The following DR1 variants were observed in gnomAD, a reference collection of about 807,000 sequenced individuals.
DR1 encodes protein Dr1.
A neutral mutation model predicts 19.9 loss-of-function variants in DR1; 7 were observed. That is an observed-to-expected ratio of 0.35 (90% CI 0.20 to 0.66). DR1 has a LOEUF of 0.66. Among genes scored for constraint, DR1 ranks in the 30% least tolerant of loss-of-function variants. The pLI is 0.66. For missense variants in DR1, 98 were observed against 203.7 expected (o/e 0.48, Z 3.16); for synonymous variants, 76 against 72.5 (o/e 1.05, Z -0.24).
At chr1:93,355,276 ATTGT>A (rs912875398) in intron 2 of DR1, 1 of 152,174 alleles carries the variant, frequency 6.6e-6, no homozygotes, top group African/African-American at 2.4e-5. Flanking sequence ...CTTCCTTGAA[ATTGT>A]TTGTCATTTG....
intron 1 of DR1, among the ~76,000 whole-genome samples, chr1:93,349,548 T>G (rs574117192): frequency 6.6e-6 from 1 of 152,256 alleles, no homozygotes; most frequent in Admixed American, 6.5e-5. Context: ...ATACTTGATT[T>G]CAGGTATTAC....
Position 93,366,032 on chromosome 1 carries a change from C to T in DR1, c.*5393C>T, listed in dbSNP as rs1453325421. 1 of 152,206 alleles carries T rather than the reference C, an allele frequency of 6.6e-6. No individual in the cohort carries two copies. 9.4% of individuals were successfully genotyped at this position (152,206 alleles called of 1,614,324 possible). On this transcript the variant is annotated 3_prime_UTR_variant, in exon 3 of 3. Transcript: ENST00000370272. ...TGCAACCACCACCACCATCCGTCTA[C>T]AGAACTCTTCATCTTCCCAAACTGA...
In DR1 at chr1:93,361,600, A is replaced by T. The variant is rs541893111; in HGVS notation, c.*961A>T. 37 of 152,640 alleles carry T rather than the reference A, an allele frequency of 2.4e-4. No individual in the cohort carries two copies. Among genetic ancestry groups the T allele is most frequent in the African/African-American group, 8.9e-4 (37 of 41,564 alleles). 9.5% of individuals were successfully genotyped at this position (152,640 alleles called of 1,614,324 possible). On this transcript the variant is annotated 3_prime_UTR_variant, in exon 3 of 3. Transcript: ENST00000370272. ...GATTTTTAATTTAACTTGTAGTTAT[A>T]GTTTACTTATTGTTTTTAGAATTAC...
rs1666823393 is a variant in DR1, at chr1:93,345,958, G to C, written c.-688G>C. On this transcript the variant is annotated 5_prime_UTR_variant, in exon 1 of 3. Coordinates refer to ENST00000370272, the MANE Select transcript of DR1 (RefSeq NM_001938.3). ...GCAAACCTTCCCTGGCATCTGGAGG[G>C]ACCACCGTTGCCGCGTCTTCGGCTT... The C allele has an allele frequency of 1.3e-5, 2 of 153,750 alleles. No homozygotes were observed. The highest frequency in any genetic ancestry group is 2.4e-5 in the African/African-American group (1 of 41,456). 9.5% of individuals were successfully genotyped at this position (153,750 alleles called of 1,614,324 possible).
intron 1 of DR1, among the ~76,000 whole-genome samples, chr1:93,352,636 G>A (rs1666928311): frequency 6.6e-6 from 1 of 152,288 alleles, no homozygotes; most frequent in East Asian, 1.9e-4. Flanking sequence ...AATCCCTGAA[G>A]TTAGAAGTGA....
At chr1:93,360,261 G>A (rs191054369) in intron 2 of DR1, among the ~76,000 whole-genome samples, 335 of 152,092 alleles carry the variant, frequency 2.2e-3, no homozygotes, top group Non-Finnish European at 4.1e-3. Flanking sequence ...ATTTATAAGA[G>A]ATCCAAGTTT....
rs1667177656 is a variant in DR1 at position 93,367,235 on chromosome 1, T to C, written c.*6596T>C. The C allele has an allele frequency of 6.6e-6, 1 of 151,808 alleles. No homozygotes were observed. Among genetic ancestry groups the C allele is most frequent in the Non-Finnish European group, 1.5e-5 (1 of 68,004 alleles). The allele number at this position is 151,808 out of a possible 1,614,324, so 9.4% of individuals were successfully genotyped here. A position where few individuals can be genotyped will look rare whatever the true frequency, so the allele number is the denominator to read the frequency against. ...GCAGTTGTAGTGCTAGTGGGTTAAA[T>C]CAAGGAATAACTGTTGGGAAGTGAA... On this transcript the variant is annotated 3_prime_UTR_variant, in exon 3 of 3. Coordinates refer to ENST00000370272, the MANE Select transcript of DR1 (RefSeq NM_001938.3).
chr1:93,360,517 G>T lies in DR1; in HGVS notation c.409G>T (p.Ala137Ser). The T allele has an allele frequency of 6.3e-7, 1 of 1,587,946 alleles. No homozygotes were observed. Among genetic ancestry groups the T allele is most frequent in the Non-Finnish European group, 8.5e-7 (1 of 1,172,416 alleles). The change falls in exon 3 of 3, where the codon GCC becomes TCC. Residue 137 changes from alanine to serine, a missense_variant. Physicochemically the swap from Ala to Ser is moderately conservative, Grantham distance 99. Coordinates refer to ENST00000370272, the MANE Select transcript of DR1 (RefSeq NM_001938.3). ...AKARQQQAEL[A>S]QQEWLQMQQA... ...GGCTAGACAGCAACAAGCAGAATTGGCCCAACAGGAATGGCTTCAAATGCA... is the reference window on the plus strand; with the variant it reads ...GGCTAGACAGCAACAAGCAGAATTGTCCCAACAGGAATGGCTTCAAATGCA...
In DR1 at chr1:93,369,144, C is replaced by T. The variant is rs1171983888; in HGVS notation, c.*8505C>T. ...ATCCCTGGCGGATACCAAGGGATGA[C>T]TGTAATATAATAACATCTAACAAGT... On this transcript the variant is annotated 3_prime_UTR_variant, in exon 3 of 3. Coordinates refer to ENST00000370272, the MANE Select transcript of DR1 (RefSeq NM_001938.3). 3 of 152,068 alleles carry T rather than the reference C, an allele frequency of 2.0e-5. No homozygotes were observed. Among genetic ancestry groups the T allele is most frequent in the Non-Finnish European group, 4.4e-5 (3 of 67,998 alleles). 9.4% of individuals were successfully genotyped at this position (152,068 alleles called of 1,614,324 possible).
At position 93,367,743 on chromosome 1, in the gene DR1, G is replaced by C. The variant is rs1667184886; in HGVS notation, c.*7104G>C. The C allele has an allele frequency of 6.6e-6, 1 of 152,318 alleles. No homozygotes were observed. Among genetic ancestry groups the C allele is most frequent in the Non-Finnish European group, 1.5e-5 (1 of 68,118 alleles). 9.4% of individuals were successfully genotyped at this position (152,318 alleles called of 1,614,324 possible). A position where few individuals can be genotyped will look rare whatever the true frequency, so the allele number is the denominator to read the frequency against. On this transcript the variant is annotated 3_prime_UTR_variant, in exon 3 of 3. Transcript: ENST00000370272. ...ATAATGAAATTACAGGCCGGGTGTG[G>C]TGGCTTACGCCTGTAATCCCAGCAC...
At chr1:93,357,789 A>G (rs1667007556) in intron 2 of DR1, among the ~76,000 whole-genome samples, 1 of 152,060 alleles carries the variant, frequency 6.6e-6, no homozygotes, top group African/African-American at 2.4e-5. Flanking sequence ...CACTACTGCC[A>G]CCTACACCAG....
rs112795224 is a variant in DR1 at position 93,349,725 on chromosome 1, T to A, written c.220+2860T>A. ...AGCTGTCTTACGTTGAAGGAATTTT[T>A]AAAAAATTCCTGTCCTTCTCACACT... On this transcript the variant is annotated intron_variant, in intron 1 of 2. Coordinates refer to ENST00000370272, the MANE Select transcript of DR1 (RefSeq NM_001938.3). Among the ~76,000 whole-genome samples the A allele has an allele frequency of 1.3e-5, 2 of 152,144 alleles. 1 individual carries two copies. Among genetic ancestry groups the A allele is most frequent in the East Asian group, 3.8e-4 (2 of 5,200 alleles).
chr1:93,351,140 T>G (rs906085411), intron 1 of DR1, among the ~76,000 whole-genome samples: 1 of 152,288 alleles, frequency 6.6e-6, no homozygotes, highest in East Asian at 1.9e-4. Context: ...ATGTAAAATA[T>G]CTCTCTATTT....
In DR1 at chr1:93,353,993, A is replaced by G; in HGVS notation, c.306A>G (p.Arg102=). The change falls in exon 2 of 3, where the codon AGA becomes AGG. Residue 102 remains arginine (R), a synonymous_variant. Coordinates refer to ENST00000370272, the MANE Select transcript of DR1 (RefSeq NM_001938.3). ...GTAAAACAGTAGCATTAAAAAGAAGAAAGGCCAGTTCTCGTTTGGAAAACC... is the reference window on the plus strand; with the variant it reads ...GTAAAACAGTAGCATTAAAAAGAAGGAAGGCCAGTTCTCGTTTGGAAAACC... ...QECKTVALKR[R]KASSRLENLG... is the part of the protein sequence containing the mutation. The G allele has an allele frequency of 6.2e-7, 1 of 1,613,918 alleles. No homozygotes were observed.
Position 93,362,749 on chromosome 1 carries a change from GTA to G in DR1, c.*2112_*2113del, listed in dbSNP as rs1667071302. The G allele has an allele frequency of 7.3e-6, 1 of 137,888 alleles. No homozygotes were observed. Among genetic ancestry groups the G allele is most frequent in the Non-Finnish European group, 1.6e-5 (1 of 64,256 alleles). 8.5% of individuals were successfully genotyped at this position (137,888 alleles called of 1,614,324 possible). On this transcript the variant is annotated 3_prime_UTR_variant, in exon 3 of 3. Transcript: ENST00000370272. Reference sequence around the variant, plus strand: ...TATTTCAAAAAATGTGGTTTTACTTGTATTTTTATAATTTACAGTCCTAAGAT... The same window carrying G: ...TATTTCAAAAAATGTGGTTTTACTTGTTTTTATAATTTACAGTCCTAAGAT...
At position 93,362,500 on chromosome 1, in the gene DR1, T is replaced by C. The variant is rs1020000871; in HGVS notation, c.*1861T>C. 2.0e-5 allele frequency: 3 copies of C among 152,006 alleles called. No individual in the cohort carries two copies. The highest frequency in any genetic ancestry group is 7.3e-5 in the African/African-American group (3 of 41,364). 9.4% of individuals were successfully genotyped at this position (152,006 alleles called of 1,614,324 possible). A position where few individuals can be genotyped will look rare whatever the true frequency, so the allele number is the denominator to read the frequency against. ...TTTTACTGCATCTGATAATGTATTA[T>C]ACGTTTGAAGCCTAGTGACTTTTCA... On this transcript the variant is annotated 3_prime_UTR_variant, in exon 3 of 3. Coordinates refer to ENST00000370272, the MANE Select transcript of DR1 (RefSeq NM_001938.3).
rs201895059 is a variant in DR1 at position 93,354,494 on chromosome 1, T to TA, written c.384+429dup. On this transcript the variant is annotated intron_variant, in intron 2 of 2. Coordinates refer to ENST00000370272, the MANE Select transcript of DR1 (RefSeq NM_001938.3). ...ATACACCTTTGAAGCATTTTAATCT[T>TA]AAAAAATATTTTAAAGCTAGTAGAG... 8.3e-3 allele frequency among the ~76,000 whole-genome samples: 1,271 copies of TA among 152,310 alleles called. 17 individuals carry two copies. Among genetic ancestry groups the TA allele is most frequent in the African/African-American group, 0.029 (1,216 of 41,578 alleles).
rs923937312 is a variant in DR1 at position 93,367,517 on chromosome 1, C to G, written c.*6878C>G. 9.2e-5 allele frequency: 14 copies of G among 152,170 alleles called. No homozygotes were observed. The highest frequency in any genetic ancestry group is 3.4e-4 in the African/African-American group (14 of 41,410). The allele number at this position is 152,170 out of a possible 1,614,324, so 9.4% of individuals were successfully genotyped here. A position where few individuals can be genotyped will look rare whatever the true frequency, so the allele number is the denominator to read the frequency against. The stretch of plus-strand genomic sequence containing the variant: ...GTGGGAGCCAACCCTGGACAGGATG[C>G]CTTTTCATCACAGGGCGCACTCACA... On this transcript the variant is annotated 3_prime_UTR_variant, in exon 3 of 3. Transcript: ENST00000370272.
chr1:93,355,740 T>C (rs1354069969), intron 2 of DR1: 1 of 152,234 alleles, frequency 6.6e-6, no homozygotes, highest in East Asian at 1.9e-4. Flanking sequence ...AGATCTCTAG[T>C]ATTTCTTTAC....
Sources: gnomAD v4.1 joint callset for allele counts (sites outside exome capture counted in the v4.1 genomes callset) on GRCh38, gnomAD v4.1.1 for gene constraint, MANE v1.5 for transcripts, NCBI Gene and HGNC (gene_info 2026-07-23, HGNC 2026-07-21) for gene names.